The following SLC12A6 variants were observed in gnomAD, a reference collection of about 807,000 sequenced individuals.
The protein encoded by SLC12A6 is K-Cl cotransporter 3.
Under a neutral mutation model 135.3 loss-of-function variants are expected in SLC12A6, and 66 were observed. That is an observed-to-expected ratio of 0.49 (90% CI 0.40 to 0.60). SLC12A6 has a LOEUF of 0.60. Ranked by LOEUF, SLC12A6 falls within the 20% of genes least tolerant of loss-of-function variation. SLC12A6 has a pLI of 0.00. For synonymous variants in SLC12A6, 513 were observed against 508.8 expected (o/e 1.01, Z -0.11); for missense variants, 1,058 against 1,452.3 (o/e 0.73, Z 4.41).
In SLC12A6 at chr15:34,275,291, TAA is replaced by T. The variant is rs563835831; in HGVS notation, c.316+52_316+53del. On this transcript the variant is annotated intron_variant, in intron 3 of 25. Coordinates refer to ENST00000354181, the MANE Select transcript of SLC12A6 (RefSeq NM_001365088.1). ...GAGAAGGGAGTAATGTCTGTTAGGA[TAA>T]ATGAGTTAAGGGTGACTTTGGATAA... is the stretch of plus-strand genomic sequence containing the variant. 20 of 885,358 alleles carry T rather than the reference TAA, an allele frequency of 2.3e-5. No individual in the cohort carries two copies. In the East Asian group the frequency reaches 4.8e-4, roughly 21 times the overall value. 54.8% of individuals were successfully genotyped at this position (885,358 alleles called of 1,614,324 possible).
chr15:34,252,332 A>G lies in SLC12A6; in HGVS notation c.1171T>C (p.Ser391Pro). Reference protein sequence around the residue: ...TLSSRHIDVCSKTKEINNMTV... With the variant: ...TLSSRHIDVCPKTKEINNMTV... ...ATGTTGTTAATTTCCTTGGTCTTAG[A>G]GCAAACGTCAATGTGTCTTGATGAA... Residue 391 changes from serine (S) to proline (P), a missense_variant, in exon 10 of 26, where the codon TCT becomes CCT. By Grantham distance (74) the Ser-to-Pro change is moderately conservative. Transcript: ENST00000354181. 1 of 1,613,460 alleles carries G rather than the reference A, an allele frequency of 6.2e-7. No homozygotes were observed.
intron 19 of SLC12A6, among the ~76,000 whole-genome samples, chr15:34,239,963 T>TAA (rs1268239368): frequency 6.6e-6 from 1 of 152,174 alleles, no homozygotes; most frequent in Non-Finnish European, 1.5e-5. Flanking sequence ...CTTTTTTTTT[T>TAA]AAATACTTTA....
intron 2 of SLC12A6, among the ~76,000 whole-genome samples, chr15:34,287,431 G>A (rs1345196164): frequency 7.2e-5 from 11 of 152,046 alleles, no homozygotes; most frequent in South Asian, 2.1e-4. Context: ...GAATAGTGCC[G>A]CAATAAACAT....
intron 2 of SLC12A6, among the ~76,000 whole-genome samples, chr15:34,315,570 T>A (rs113005941): frequency 3.9e-5 from 6 of 152,198 alleles, no homozygotes; most frequent in African/African-American, 1.4e-4. Flanking sequence ...TTAAAAAAAA[T>A]AAAAATAATT....
At chr15:34,266,319 G>A (rs1217285011) in intron 3 of SLC12A6, among the ~76,000 whole-genome samples, 2 of 151,914 alleles carry the variant, frequency 1.3e-5, no homozygotes, top group Non-Finnish European at 2.9e-5. Flanking sequence ...CATTTTATTA[G>A]GTATTAGAAG....
At chr15:34,240,099 C>T (rs1023383603) in intron 19 of SLC12A6, among the ~76,000 whole-genome samples, 7 of 151,986 alleles carry the variant, frequency 4.6e-5, no homozygotes, top group African/African-American at 1.7e-4. Context: ...TCCTTCCCCC[C>T]TCCCCCCACA....
intron 3 of SLC12A6, among the ~76,000 whole-genome samples, chr15:34,261,354 T>C (rs1294721981): frequency 6.6e-6 from 1 of 152,192 alleles, no homozygotes. Flanking sequence ...TGGAGTGCAG[T>C]GGCGCAATCT....
chr15:34,318,878 A>T, intron 2 of SLC12A6: 3 of 1,368,230 alleles, frequency 2.2e-6, no homozygotes, highest in Non-Finnish European at 2.9e-6. Context: ...CGCCTTCCAC[A>T]GTGTTTATCA....
chr15:34,250,315 C>G lies in SLC12A6; in HGVS notation c.1632G>C (p.Gly544=). The change falls in exon 13 of 26, where the codon GGG becomes GGC. Residue 544 remains glycine (G), a synonymous_variant. Transcript: ENST00000354181. ...NVVLFGACIE[G]VVLRDKFGDA... is the part of the protein sequence containing the mutation. Reference sequence around the variant, plus strand: ...TTACTCACTTGTCTCTGAGAACAACCCCTTCAATACATGCACCAAAAAGGA... The same window carrying G: ...TTACTCACTTGTCTCTGAGAACAACGCCTTCAATACATGCACCAAAAAGGA... The G allele has an allele frequency of 1.3e-6, 2 of 1,580,778 alleles. No homozygotes were observed. Among genetic ancestry groups the G allele is most frequent in the Non-Finnish European group, 1.7e-6 (2 of 1,149,592 alleles).
chr15:34,301,720 TG>T (rs1476205757), intron 2 of SLC12A6, among the ~76,000 whole-genome samples: 1 of 150,622 alleles, frequency 6.6e-6, no homozygotes, highest in Non-Finnish European at 1.5e-5. Flanking sequence ...CTGGGCGTGG[TG>T]GCTCACGCCT....
At chr15:34,255,198 G>T in intron 8 of SLC12A6, 64 bp downstream of exon 8, 2 of 1,302,760 alleles carry the variant, frequency 1.5e-6, no homozygotes, top group Non-Finnish European at 1.1e-6. Context: ...AGCTTTCATA[G>T]CAAAGAATAA....
At chr15:34,291,401 G>A (rs1296756747) in intron 2 of SLC12A6, among the ~76,000 whole-genome samples, 1 of 152,136 alleles carries the variant, frequency 6.6e-6, no homozygotes, top group African/African-American at 2.4e-5. Context: ...CTTTCTCTCT[G>A]GCTGTGCTTA....
chr15:34,279,337 C>T (rs1181005517), intron 2 of SLC12A6, among the ~76,000 whole-genome samples: 1 of 150,410 alleles, frequency 6.6e-6, no homozygotes, highest in African/African-American at 2.4e-5. Context: ...AAAAACAAAA[C>T]AAAACAAAAC....
intron 2 of SLC12A6, among the ~76,000 whole-genome samples, chr15:34,281,424 A>G (rs1443272877): frequency 8.5e-5 from 13 of 152,250 alleles, no homozygotes; most frequent in Non-Finnish European, 4.4e-5. Context: ...TCCTCTTTAC[A>G]TAATATATTC....
At chr15:34,236,967 C>A in intron 22 of SLC12A6, 152 bp from the exon 23 acceptor site, 1 of 665,650 alleles carries the variant, frequency 1.5e-6, no homozygotes, top group South Asian at 1.5e-5. Context: ...CATTGAGCTA[C>A]ATAAATGTTT....
chr15:34,300,796 A>G (rs557639941), intron 2 of SLC12A6, among the ~76,000 whole-genome samples: 1 of 66,446 alleles, frequency 1.5e-5, no homozygotes, highest in Admixed American at 1.1e-4. Context: ...TCCGTCTCAA[A>G]AAAAAAAAAA....
intron 2 of SLC12A6, among the ~76,000 whole-genome samples, chr15:34,284,277 C>CTTTT (rs71415558): frequency 2.4e-3 from 220 of 92,474 alleles, no homozygotes; most frequent in Middle Eastern, 9.8e-3. Flanking sequence ...TGTTTCTTTT[C>CTTTT]TTTTTTTTTT....
At chr15:34,254,011 A>G (rs756237195) in intron 9 of SLC12A6, among the ~76,000 whole-genome samples, 2 of 152,196 alleles carry the variant, frequency 1.3e-5, no homozygotes, top group African/African-American at 2.4e-5. Flanking sequence ...GTTGCTGGCA[A>G]TAACTACACT....
rs1026518894 is a variant in SLC12A6, at chr15:34,230,150, A to T, written c.*3731T>A. 3 of 233,100 alleles carry T rather than the reference A, an allele frequency of 1.3e-5. No individual in the cohort carries two copies. The highest frequency in any genetic ancestry group is 2.5e-5 in the Non-Finnish European group (3 of 121,784). 14.4% of individuals were successfully genotyped at this position (233,100 alleles called of 1,614,324 possible). A position where few individuals can be genotyped will look rare whatever the true frequency, so the allele number is the denominator to read the frequency against. ...AATTAAATGGTTGAGAACAATGCAT[A>T]AAAAAAGTTGCACAAGTTCCTTATT... On this transcript the variant is annotated 3_prime_UTR_variant, in exon 26 of 26. Transcript: ENST00000354181.
Sources: gnomAD v4.1 joint callset for allele counts (sites outside exome capture counted in the v4.1 genomes callset) on GRCh38, gnomAD v4.1.1 for gene constraint, MANE v1.5 for transcripts, NCBI Gene and HGNC (gene_info 2026-07-23, HGNC 2026-07-21) for gene names.